Variants in INPP5A observed in about 807,000 individuals in gnomAD.
The protein encoded by INPP5A is 43 kDa inositol polyphosphate 5-phophatase.
Under a neutral mutation model 65.2 loss-of-function variants are expected in INPP5A, and 14 were observed. The ratio of observed to expected loss-of-function variants is 0.21; its 90% CI spans 0.14 to 0.34. The LOEUF (loss-of-function observed/expected upper bound fraction) is 0.34. INPP5A is among the 10% of genes least tolerant of loss of function. INPP5A has a pLI of 1.00. For missense variants in INPP5A, 431 were observed against 545.6 expected (o/e 0.79, Z 2.09); for synonymous variants, 207 against 208.3 (o/e 0.99, Z 0.05).
intron 13 of INPP5A, among the ~76,000 whole-genome samples, chr10:132,778,604 G>A (rs1440466634): frequency 6.6e-6 from 1 of 152,204 alleles, no homozygotes; most frequent in Non-Finnish European, 1.5e-5. Context: ...CGTGGGAACT[G>A]CAGCTGTGCC....
At chr10:132,649,715 C>G (rs189815310) in intron 3 of INPP5A, among the ~76,000 whole-genome samples, 6 of 152,272 alleles carry the variant, frequency 3.9e-5, no homozygotes, top group African/African-American at 1.4e-4. Context: ...GGATGATGGA[C>G]TGTCTCTGTG....
At chr10:132,766,289 T>C (rs1403082395) in intron 12 of INPP5A, among the ~76,000 whole-genome samples, 1 of 152,250 alleles carries the variant, frequency 6.6e-6, no homozygotes, top group Non-Finnish European at 1.5e-5. Context: ...TAATAAGTAA[T>C]TCTGTTATCT....
At chr10:132,615,778 C>T (rs569070412) in intron 2 of INPP5A, among the ~76,000 whole-genome samples, 1 of 152,228 alleles carries the variant, frequency 6.6e-6, no homozygotes, top group Admixed American at 6.5e-5. Flanking sequence ...ACAGAGTGGG[C>T]CCTGGGTCAG....
At chr10:132,756,209 A>G (rs1846607765) in intron 11 of INPP5A, among the ~76,000 whole-genome samples, 1 of 151,936 alleles carries the variant, frequency 6.6e-6, no homozygotes, top group Admixed American at 6.6e-5. Context: ...GTGCGTGTAC[A>G]TGTGTGCACT....
chr10:132,561,763 A>ACACACAC (rs1564916631), intron 1 of INPP5A, among the ~76,000 whole-genome samples: 2 of 102,488 alleles, frequency 2.0e-5, no homozygotes, highest in East Asian at 6.8e-4. Flanking sequence ...CACACACACA[A>ACACACAC]CCCTGCTGGA....
intron 4 of INPP5A, among the ~76,000 whole-genome samples, chr10:132,664,508 T>A (rs1454202165): frequency 2.6e-5 from 4 of 152,354 alleles, no homozygotes; most frequent in Non-Finnish European, 5.9e-5. Context: ...ATCGTGTTTT[T>A]CAGTGTGTTC....
At chr10:132,567,471 G>A (rs966268636) in intron 1 of INPP5A, among the ~76,000 whole-genome samples, 1 of 152,202 alleles carries the variant, frequency 6.6e-6, no homozygotes, top group Non-Finnish European at 1.5e-5. Context: ...AAAAACCTTT[G>A]TATGGTGAAT....
rs557834264 is a variant in INPP5A at position 132,705,886 on chromosome 10, G to A, written c.475-2427G>A. 1.1e-3 allele frequency among the ~76,000 whole-genome samples: 166 copies of A among 152,268 alleles called. 2 individuals carry two copies. Among genetic ancestry groups the A allele is most frequent in the African/African-American group, 3.8e-3 (159 of 41,540 alleles). Reference sequence around the variant, plus strand: ...CCCCAGGAGACTGCAAACCAAGAACGTCTATGAGACGAGCAGACACCAGAA... The same window carrying A: ...CCCCAGGAGACTGCAAACCAAGAACATCTATGAGACGAGCAGACACCAGAA... On this transcript the variant is annotated intron_variant, in intron 6 of 15. Coordinates refer to ENST00000368594, the MANE Select transcript of INPP5A (RefSeq NM_005539.5). This position sits in a 1 kb window ranked among gnomAD's most constrained non-coding sequence, Gnocchi z 4.9.
At chr10:132,683,068 G>A (rs552582855) in intron 4 of INPP5A, among the ~76,000 whole-genome samples, 1 of 149,384 alleles carries the variant, frequency 6.7e-6, no homozygotes, top group African/African-American at 2.5e-5. Context: ...ATATACATAT[G>A]TACGCACATT....
chr10:132,628,774 T>C (rs2072227731), intron 2 of INPP5A, among the ~76,000 whole-genome samples: 1 of 152,216 alleles, frequency 6.6e-6, no homozygotes, highest in Non-Finnish European at 1.5e-5. Flanking sequence ...CAAAAGCTTC[T>C]CTTAGAATCT....
At chr10:132,718,786 G>T (rs1435014852) in intron 8 of INPP5A, among the ~76,000 whole-genome samples, 3 of 149,032 alleles carry the variant, frequency 2.0e-5, no homozygotes, top group Non-Finnish European at 3.0e-5. Context: ...TGGTACCTCG[G>T]TTCTGTCTGG....
intron 4 of INPP5A, among the ~76,000 whole-genome samples, chr10:132,680,866 G>A (rs991103723): frequency 2.0e-5 from 3 of 152,220 alleles, no homozygotes; most frequent in East Asian, 1.9e-4. Flanking sequence ...TCAATTTCTC[G>A]CTGGGCCTTA....
intron 2 of INPP5A, among the ~76,000 whole-genome samples, chr10:132,645,044 G>C (rs2072475307): frequency 6.6e-6 from 1 of 152,212 alleles, no homozygotes; most frequent in Non-Finnish European, 1.5e-5. Flanking sequence ...AGAGCCTCAT[G>C]GTGGAAGCCG....
intron 1 of INPP5A, among the ~76,000 whole-genome samples, chr10:132,564,716 G>A (rs2133274573): frequency 6.6e-6 from 1 of 152,270 alleles, no homozygotes; most frequent in African/African-American, 2.4e-5. Context: ...GTGACTTTTG[G>A]GTGCCCAGGC....
intron 4 of INPP5A, among the ~76,000 whole-genome samples, chr10:132,685,712 GGTGGGA>G (rs1409602422): frequency 1.0e-3 from 158 of 152,372 alleles, no homozygotes; most frequent in African/African-American, 3.6e-3. Context: ...CCGTCCGGGA[GGTGGGA>G]CCCTGCTCAA....
intron 1 of INPP5A, among the ~76,000 whole-genome samples, chr10:132,606,395 G>A (rs1026221292): frequency 3.3e-5 from 5 of 152,176 alleles, no homozygotes; most frequent in East Asian, 1.9e-4. Context: ...GGTTGCGTGC[G>A]TCCCACGAGG....
intron 9 of INPP5A, among the ~76,000 whole-genome samples, chr10:132,731,072 T>C (rs1443847352): frequency 1.3e-5 from 2 of 152,138 alleles, no homozygotes; most frequent in Non-Finnish European, 2.9e-5. Context: ...ACCACAGCCC[T>C]GAGGTGGGCC....
intron 1 of INPP5A, among the ~76,000 whole-genome samples, chr10:132,602,473 T>G (rs2071788689): frequency 6.6e-6 from 1 of 152,100 alleles, no homozygotes; most frequent in East Asian, 1.9e-4. Context: ...TTTTGTATTT[T>G]TAGTAGAGAC....
intron 7 of INPP5A, 91 bp from the exon 8 acceptor site, chr10:132,710,246 G>T (rs1845610718): frequency 1.1e-5 from 16 of 1,491,766 alleles, no homozygotes; most frequent in Non-Finnish European, 1.5e-5. Flanking sequence ...GCCAGTGCAG[G>T]TCTTATCTTC....
Sources: allele counts gnomAD v4.1 joint callset (sites outside exome capture counted in the v4.1 genomes callset), GRCh38; gene constraint gnomAD v4.1.1; non-coding constraint Gnocchi (gnomAD v3.1); transcripts MANE v1.5; gene names NCBI Gene and HGNC (gene_info 2026-07-23, HGNC 2026-07-21).